DCC: variants seen among roughly 807,000 people sequenced by gnomAD.
DCC encodes the protein DCC netrin 1 receptor.
Under a neutral mutation model 172.5 loss-of-function variants are expected in DCC, and 58 were observed. That is an observed-to-expected ratio of 0.34 (90% CI 0.27 to 0.42). The LOEUF (loss-of-function observed/expected upper bound fraction) is 0.42. Among genes scored for constraint, DCC ranks in the 10% least tolerant of loss-of-function variants. DCC has a pLI of 1.00. For synonymous variants in DCC, 709 were observed against 644.5 expected (o/e 1.10, Z -1.52); for missense variants, 1,740 against 1,791.0 (o/e 0.97, Z 0.51).
At chr18:52,403,378 C>G (rs1333778054) in intron 1 of DCC, among the ~76,000 whole-genome samples, 1 of 151,972 alleles carries the variant, frequency 6.6e-6, no homozygotes, top group Non-Finnish European at 1.5e-5. Flanking sequence ...GGTTTCAAGT[C>G]TTTCACTGCC....
intron 2 of DCC, among the ~76,000 whole-genome samples, chr18:52,871,710 C>A (rs1250960741): frequency 6.6e-6 from 1 of 152,098 alleles, no homozygotes; most frequent in Non-Finnish European, 1.5e-5. Context: ...CTACCTTGAC[C>A]TCCCAAAGTG....
intron 7 of DCC, among the ~76,000 whole-genome samples, chr18:53,148,876 T>TTTTTTTTTTTTTTTTTTTTTTTTTTTTG (rs2043957768): frequency 6.8e-6 from 1 of 147,796 alleles, no homozygotes; most frequent in African/African-American, 2.5e-5. Context: ...TTTTTTTTTT[T>TTTTTTTTTTTTTTTTTTTTTTTTTTTTG]TTTTTTGGAC....
intron 1 of DCC, among the ~76,000 whole-genome samples, chr18:52,382,767 G>A (rs562953737): frequency 6.6e-6 from 1 of 152,082 alleles, no homozygotes; most frequent in Non-Finnish European, 1.5e-5. Context: ...AGGAGACAGA[G>A]TAAATTGAAT....
intron 1 of DCC, among the ~76,000 whole-genome samples, chr18:52,669,168 G>A (rs563985720): frequency 1.3e-5 from 2 of 152,270 alleles, no homozygotes; most frequent in South Asian, 2.1e-4. Flanking sequence ...CTCTTGTGCT[G>A]AGTCTGTTCC....
intron 7 of DCC, among the ~76,000 whole-genome samples, chr18:53,141,629 G>A (rs185823354): frequency 3.9e-5 from 6 of 152,282 alleles, no homozygotes; most frequent in Admixed American, 2.0e-4. Context: ...CAGCTGACTG[G>A]ATTTTGTGGA....
intron 7 of DCC, among the ~76,000 whole-genome samples, chr18:53,136,535 C>T (rs2043745669): frequency 6.6e-6 from 1 of 151,950 alleles, no homozygotes; most frequent in Admixed American, 6.6e-5. Context: ...TTGTATAAGT[C>T]TACTTATATA....
At position 53,355,977 on chromosome 18, in the gene DCC, C is replaced by T. The variant is rs139282362; in HGVS notation, c.2359+16070C>T. On this transcript the variant is annotated intron_variant, in intron 15 of 28. Coordinates refer to ENST00000442544, the MANE Select transcript of DCC (RefSeq NM_005215.4). ...TAGGAGTTTTCAGTTATTATTTCTT[C>T]ACATAGTTTTTCTTTCTCCCAATAT... Among the ~76,000 whole-genome samples, 29 of 152,216 alleles carry T rather than the reference C, an allele frequency of 1.9e-4. No homozygotes were observed. The East Asian group carries it at 4.6e-3, about 24-fold the overall frequency.
chr18:53,236,337 TA>T (rs759994456), intron 12 of DCC, among the ~76,000 whole-genome samples: 7 of 152,152 alleles, frequency 4.6e-5, no homozygotes, highest in Non-Finnish European at 8.8e-5. Context: ...AAGTGTTGAA[TA>T]TTTTTTCATA....
chr18:52,461,572 A>G (rs1273579839), intron 1 of DCC, among the ~76,000 whole-genome samples: 1 of 152,214 alleles, frequency 6.6e-6, no homozygotes, highest in Non-Finnish European at 1.5e-5. Flanking sequence ...CCACAAACAC[A>G]TGAGTAATAC....
intron 2 of DCC, among the ~76,000 whole-genome samples, chr18:52,827,829 T>TG (rs1318488863): frequency 6.6e-6 from 1 of 152,202 alleles, no homozygotes; most frequent in Non-Finnish European, 1.5e-5. Flanking sequence ...GTTTCTCAAG[T>TG]GAGGGCTTCA....
intron 25 of DCC, among the ~76,000 whole-genome samples, chr18:53,483,077 C>T (rs1249472821): frequency 2.0e-5 from 3 of 151,876 alleles, no homozygotes. Context: ...GTATCTCTAG[C>T]ACTGTCCTAG....
At chr18:53,402,400 A>AT (rs1308055658) in intron 18 of DCC, among the ~76,000 whole-genome samples, 48 of 131,726 alleles carry the variant, frequency 3.6e-4, no homozygotes, top group Middle Eastern at 3.9e-3. Context: ...AAAAAAAAAA[A>AT]AAAATAAATA....
Position 53,226,948 on chromosome 18 carries a change from A to ATATATATATATATTTTTTTTTTTTTTTT in DCC, c.1911+11352_1911+11353insATATATATATATTTTTTTTTTTTTTTTT. 3.2e-4 allele frequency among the ~76,000 whole-genome samples: 17 copies of ATATATATATATATTTTTTTTTTTTTTTT among 52,934 alleles called. 1 individual carries two copies. Among genetic ancestry groups the ATATATATATATATTTTTTTTTTTTTTTT allele is most frequent in the Non-Finnish European group, 6.8e-4 (17 of 24,854 alleles). The allele number at this position is 52,934 out of a possible 152,430, so 34.7% of individuals were successfully genotyped here. On this transcript the variant is annotated intron_variant, in intron 12 of 28. Transcript: ENST00000442544. ...TGTGTGTGTGTGTATATATATATAT[A>ATATATATATATATTTTTTTTTTTTTTTT]TTTTTTTTTTTTTTTTTTTGAGGCA...
intron 1 of DCC, among the ~76,000 whole-genome samples, chr18:52,662,409 C>A (rs1161911999): frequency 6.7e-6 from 1 of 149,466 alleles, no homozygotes; most frequent in Non-Finnish European, 1.5e-5. Context: ...TAGTTCCCAG[C>A]ACAATAAATG....
At chr18:53,399,566 G>A (rs1020498321) in intron 18 of DCC, among the ~76,000 whole-genome samples, 2 of 152,056 alleles carry the variant, frequency 1.3e-5, no homozygotes, top group Non-Finnish European at 2.9e-5. Flanking sequence ...TTCCATTCAT[G>A]TACTTAATAA....
rs139207797 is a variant in DCC at position 52,655,790 on chromosome 18, C to T, written c.92-96264C>T. On this transcript the variant is annotated intron_variant, in intron 1 of 28. Coordinates refer to ENST00000442544, the MANE Select transcript of DCC (RefSeq NM_005215.4). ...TAAAAAATAGTTAATCCATTAAAAACAAACAAACAAGACACAAATTTCTTC... is the reference window on the plus strand; with the variant it reads ...TAAAAAATAGTTAATCCATTAAAAATAAACAAACAAGACACAAATTTCTTC... Among the ~76,000 whole-genome samples, 969 of 151,926 alleles carry T rather than the reference C, an allele frequency of 6.4e-3. 12 individuals carry two copies. Among genetic ancestry groups the T allele is most frequent in the African/African-American group, 0.022 (912 of 41,456 alleles).
chr18:53,290,118 T>C (rs1219177048), intron 12 of DCC, among the ~76,000 whole-genome samples: 1 of 152,236 alleles, frequency 6.6e-6, no homozygotes, highest in Non-Finnish European at 1.5e-5. Flanking sequence ...TGAACATTTA[T>C]GGTTTGGATG....
intron 1 of DCC, among the ~76,000 whole-genome samples, chr18:52,384,095 A>G (rs1040533229): frequency 1.3e-5 from 2 of 152,106 alleles, no homozygotes; most frequent in African/African-American, 4.8e-5. Flanking sequence ...TCAATTATCT[A>G]ATTGAGAATA....
At chr18:52,791,991 T>C (rs1253421486) in intron 2 of DCC, among the ~76,000 whole-genome samples, 2 of 152,118 alleles carry the variant, frequency 1.3e-5, no homozygotes, top group Non-Finnish European at 2.9e-5. Context: ...GGTAGAGTTT[T>C]CCCATTTGCA....
Sources: allele counts gnomAD v4.1 joint callset (sites outside exome capture counted in the v4.1 genomes callset), GRCh38; gene constraint gnomAD v4.1.1; transcripts MANE v1.5; gene names NCBI Gene and HGNC (gene_info 2026-07-23, HGNC 2026-07-21).